PHACTR3: variants seen among roughly 807,000 people sequenced by gnomAD.
PHACTR3 encodes phosphatase and actin regulator 3, also known as protein phosphatase 1, regulatory subunit 123.
PHACTR3 carries 16 observed loss-of-function variants against 66.8 expected under a neutral mutation model. That is an observed-to-expected ratio of 0.24 (90% confidence interval 0.16 to 0.36). PHACTR3 has a LOEUF of 0.36. PHACTR3 is among the 10% of genes least tolerant of loss of function. PHACTR3 has a pLI of 1.00. For synonymous variants in PHACTR3, 323 were observed against 292.1 expected (o/e 1.11, Z -1.08); for missense variants, 647 against 719.9 (o/e 0.90, Z 1.16).
chr20:59,676,367 C>T (rs2036448218), intron 1 of PHACTR3, among the ~76,000 whole-genome samples: 1 of 152,156 alleles, frequency 6.6e-6, no homozygotes, highest in Non-Finnish European at 1.5e-5. Context: ...GAGGAGTGGG[C>T]GCCTGGCCCT....
intron 1 of PHACTR3, among the ~76,000 whole-genome samples, chr20:59,704,821 TATATC>T (rs751146772): frequency 1.3e-5 from 2 of 152,044 alleles, no homozygotes; most frequent in African/African-American, 2.4e-5. Flanking sequence ...TATTATGAGT[TATATC>T]AGATCAGATT....
chr20:59,725,737 G>A (rs1443408447), intron 1 of PHACTR3, among the ~76,000 whole-genome samples: 1 of 152,186 alleles, frequency 6.6e-6, no homozygotes, highest in African/African-American at 2.4e-5. Flanking sequence ...GGTACTCTGA[G>A]CATGAGTGTG....
chr20:59,775,786 G>A (rs1182486), intron 7 of PHACTR3, among the ~76,000 whole-genome samples: 92,893 of 152,068 alleles, frequency 0.61, 30,164 homozygotes, highest in Non-Finnish European at 0.71. Context: ...GCAGGAGGGT[G>A]CTATGAGGGT....
intron 8 of PHACTR3, among the ~76,000 whole-genome samples, chr20:59,807,936 G>A (rs1346986121): frequency 2.0e-5 from 3 of 152,178 alleles, no homozygotes. Flanking sequence ...CAGAGCCACG[G>A]GTGGGCACCT....
chr20:59,760,398 G>C (rs1427288917), intron 4 of PHACTR3, among the ~76,000 whole-genome samples: 1 of 152,122 alleles, frequency 6.6e-6, no homozygotes, highest in Non-Finnish European at 1.5e-5. Flanking sequence ...TTGAATTGTA[G>C]CTCCCATAAT....
At chr20:59,846,238 C>CTGAA (rs1245519212) in intron 12 of PHACTR3, among the ~76,000 whole-genome samples, 3 of 152,120 alleles carry the variant, frequency 2.0e-5, no homozygotes, top group African/African-American at 4.8e-5. Context: ...CAATTGTTAT[C>CTGAA]TGAAAGATTT....
chr20:59,667,436 G>A (rs1006387669), intron 1 of PHACTR3, among the ~76,000 whole-genome samples: 3 of 152,194 alleles, frequency 2.0e-5, no homozygotes, highest in African/African-American at 7.2e-5. Flanking sequence ...TCTCCCACTT[G>A]CCTTTTCATG....
chr20:59,667,862 A>C (rs1481872010), intron 1 of PHACTR3, among the ~76,000 whole-genome samples: 1 of 152,228 alleles, frequency 6.6e-6, no homozygotes, highest in Non-Finnish European at 1.5e-5. Context: ...GGCACTGCTC[A>C]TGCTTCCGAG....
intron 1 of PHACTR3, among the ~76,000 whole-genome samples, chr20:59,589,210 C>A (rs2033121152): frequency 6.6e-6 from 1 of 152,236 alleles, no homozygotes; most frequent in Non-Finnish European, 1.5e-5. Context: ...CTCCCGTGGG[C>A]TTTGGAAGAC....
intron 8 of PHACTR3, among the ~76,000 whole-genome samples, chr20:59,807,186 A>G (rs1294683646): frequency 6.6e-6 from 1 of 152,228 alleles, no homozygotes; most frequent in Non-Finnish European, 1.5e-5. Context: ...GACTCTTATA[A>G]TAACACTTAG....
intron 11 of PHACTR3, among the ~76,000 whole-genome samples, chr20:59,842,015 A>C (rs1026015276): frequency 6.6e-6 from 1 of 152,218 alleles, no homozygotes; most frequent in Non-Finnish European, 1.5e-5. Context: ...AAGCCTCTAC[A>C]GTATAGAAAA....
intron 8 of PHACTR3, among the ~76,000 whole-genome samples, chr20:59,815,418 GT>G (rs538438640): frequency 6.0e-4 from 79 of 131,692 alleles, no homozygotes; most frequent in South Asian, 1.2e-3. Flanking sequence ...TGGGGTTCTG[GT>G]TTTTTTTTTT....
chr20:59,607,058 A>G (rs2146336711), intron 1 of PHACTR3, among the ~76,000 whole-genome samples: 1 of 152,266 alleles, frequency 6.6e-6, no homozygotes, highest in South Asian at 2.1e-4. Context: ...TTGATGGAGG[A>G]AGGGCGGGCT....
chr20:59,672,366 T>A (rs778539627), intron 1 of PHACTR3, among the ~76,000 whole-genome samples: 5 of 152,204 alleles, frequency 3.3e-5, no homozygotes, highest in Non-Finnish European at 5.9e-5. Flanking sequence ...AGTGGAGTGA[T>A]CCTCACATGC....
chr20:59,810,754 A>AG (rs757231942), intron 8 of PHACTR3, among the ~76,000 whole-genome samples: 1 of 152,192 alleles, frequency 6.6e-6, no homozygotes, highest in Non-Finnish European at 1.5e-5. Context: ...CAGGAAAGTC[A>AG]GGGTCCCATT....
chr20:59,688,885 C>T (rs1447447743), intron 1 of PHACTR3, among the ~76,000 whole-genome samples: 1 of 152,076 alleles, frequency 6.6e-6, no homozygotes, highest in Non-Finnish European at 1.5e-5. Context: ...AGGAAGTAAG[C>T]TTTGTTCTCG....
chr20:59,810,992 T>C (rs940882079), intron 8 of PHACTR3, among the ~76,000 whole-genome samples: 2 of 152,228 alleles, frequency 1.3e-5, no homozygotes, highest in Non-Finnish European at 2.9e-5. Flanking sequence ...GCTTTCAGCA[T>C]AGGTGCCGGC....
chr20:59,631,407 G>A (rs893358823), intron 1 of PHACTR3, among the ~76,000 whole-genome samples: 1 of 152,132 alleles, frequency 6.6e-6, no homozygotes, highest in Admixed American at 6.5e-5. Context: ...CAAACACTTA[G>A]TGCCTGCCTT....
At chr20:59,718,985 A>G (rs1294653977) in intron 1 of PHACTR3, among the ~76,000 whole-genome samples, 1 of 152,246 alleles carries the variant, frequency 6.6e-6, no homozygotes, top group Admixed American at 6.5e-5. Context: ...ACAAGAATCC[A>G]TCAGATCTTA....
Sources: gnomAD v4.1 joint callset for allele counts (sites outside exome capture counted in the v4.1 genomes callset) on GRCh38, gnomAD v4.1.1 for gene constraint, MANE v1.5 for transcripts, NCBI Gene and HGNC (gene_info 2026-07-23, HGNC 2026-07-21) for gene names.